The following ANK3 variants were observed in gnomAD, a reference collection of about 807,000 sequenced individuals.
ANK3 encodes the protein ankyrin 3.
Under a neutral mutation model 370.9 loss-of-function variants are expected in ANK3, and 57 were observed. The observed-to-expected ratio is 0.15, with a 90% CI of 0.12 to 0.19. ANK3 has a LOEUF of 0.19. Ranked by LOEUF, ANK3 falls within the 10% of genes least tolerant of loss-of-function variation. ANK3 has a pLI of 1.00. For synonymous variants in ANK3, 1,929 were observed against 1,946.3 expected (o/e 0.99, Z 0.23); for missense variants, 4,439 against 5,302.1 (o/e 0.84, Z 5.06).
At chr10:60,402,408 G>C (rs914997279) in intron 2 of ANK3, among the ~76,000 whole-genome samples, 17 of 152,166 alleles carry the variant, frequency 1.1e-4, no homozygotes, top group Non-Finnish European at 2.2e-4. Flanking sequence ...AACATTGATG[G>C]TAACATTAGA....
chr10:60,569,176 G>C (rs1269832668), intron 2 of ANK3, among the ~76,000 whole-genome samples: 4 of 152,016 alleles, frequency 2.6e-5, no homozygotes, highest in Admixed American at 1.3e-4. Flanking sequence ...ATATCAGAGG[G>C]GGCAATATGT....
At chr10:60,488,050 T>C (rs2075395668) in intron 2 of ANK3, among the ~76,000 whole-genome samples, 1 of 152,058 alleles carries the variant, frequency 6.6e-6, no homozygotes, top group Non-Finnish European at 1.5e-5. Flanking sequence ...CAAACACATA[T>C]GAATAGAAGT....
At position 60,300,313 on chromosome 10, in the gene ANK3, G is replaced by A. The variant is rs1056915713; in HGVS notation, c.115-20674C>T. The A allele has an allele frequency of 5.5e-6, 7 of 1,263,978 alleles. No homozygotes were observed. The Admixed American group carries it at 6.9e-5, about 12-fold the overall frequency. 78.3% of individuals were successfully genotyped at this position (1,263,978 alleles called of 1,614,324 possible). A position where few individuals can be genotyped will look rare whatever the true frequency, so the allele number is the denominator to read the frequency against. On this transcript the variant is annotated intron_variant, in intron 1 of 43. Transcript: ENST00000280772. The stretch of plus-strand genomic sequence containing the variant: ...TACATTTCATTTAGGAGCTGTAAAT[G>A]CTTACTTGTTCTGGGAAGCTCTCTC...
intron 1 of ANK3, among the ~76,000 whole-genome samples, chr10:60,726,890 C>T (rs923208146): frequency 4.6e-5 from 7 of 152,022 alleles, no homozygotes; most frequent in Non-Finnish European, 7.4e-5. Flanking sequence ...TTAACATCAA[C>T]GTCTTTTTTC....
At chr10:60,157,360 G>T (rs1192007120) in intron 23 of ANK3, among the ~76,000 whole-genome samples, 1 of 148,020 alleles carries the variant, frequency 6.8e-6, no homozygotes, top group Non-Finnish European at 1.5e-5. Flanking sequence ...TTTTAAAGGG[G>T]TTCTCACTCT....
At chr10:60,628,047 C>T (rs563781427) in intron 1 of ANK3, among the ~76,000 whole-genome samples, 11 of 152,230 alleles carry the variant, frequency 7.2e-5, no homozygotes, top group African/African-American at 1.7e-4. Context: ...AGAAAACGAA[C>T]GCACACAATA....
chr10:60,528,727 C>T (rs1330522584), intron 2 of ANK3, among the ~76,000 whole-genome samples: 1 of 152,030 alleles, frequency 6.6e-6, no homozygotes, highest in Non-Finnish European at 1.5e-5. Flanking sequence ...TCCTTGTCCT[C>T]TTCTTCCTAG....
chr10:60,115,102 A>T (rs1354276425), intron 25 of ANK3, among the ~76,000 whole-genome samples: 1 of 152,230 alleles, frequency 6.6e-6, no homozygotes, highest in Non-Finnish European at 1.5e-5. Context: ...CTAACCAGAA[A>T]TATCTCTGAA....
intron 2 of ANK3, among the ~76,000 whole-genome samples, chr10:60,546,985 T>A (rs916995471): frequency 6.6e-6 from 1 of 152,062 alleles, no homozygotes; most frequent in Non-Finnish European, 1.5e-5. Context: ...ATCACACAGC[T>A]GGTAAATGTC....
intron 7 of ANK3, among the ~76,000 whole-genome samples, chr10:60,250,571 T>TA (rs1281458108): frequency 6.6e-6 from 1 of 152,084 alleles, no homozygotes; most frequent in Admixed American, 6.5e-5. Flanking sequence ...TTCACCATGT[T>TA]AGCCAGGATG....
chr10:60,258,450 G>C (rs2097765331), intron 7 of ANK3, among the ~76,000 whole-genome samples: 1 of 152,196 alleles, frequency 6.6e-6, no homozygotes, highest in Admixed American at 6.5e-5. Context: ...AAACAGTTAA[G>C]TATGCTATAA....
At chr10:60,215,362 A>G (rs573745286) in intron 8 of ANK3, among the ~76,000 whole-genome samples, 3 of 152,188 alleles carry the variant, frequency 2.0e-5, no homozygotes, top group East Asian at 3.9e-4. Flanking sequence ...CTTTAGTTTA[A>G]TTAGATCTCA....
chr10:60,257,932 A>C (rs1218099882), intron 7 of ANK3, among the ~76,000 whole-genome samples: 1 of 152,220 alleles, frequency 6.6e-6, no homozygotes, highest in Non-Finnish European at 1.5e-5. Context: ...TTTACAAGAG[A>C]AAGGCCAATG....
intron 1 of ANK3, among the ~76,000 whole-genome samples, chr10:60,687,630 A>G (rs1371473755): frequency 6.6e-6 from 1 of 152,186 alleles, no homozygotes; most frequent in African/African-American, 2.4e-5. Flanking sequence ...AAAATAGCAC[A>G]ACGGCTATGG....
chr10:60,694,120 G>A (rs940185582), intron 1 of ANK3, among the ~76,000 whole-genome samples: 2 of 152,094 alleles, frequency 1.3e-5, no homozygotes, highest in Admixed American at 6.5e-5. Flanking sequence ...CTCAGGAGCC[G>A]ATGCGATCAA....
At chr10:60,060,843 T>G (rs2393610) in intron 40 of ANK3, 10,921 of 152,222 alleles carry the variant, frequency 0.072, 518 homozygotes, top group Non-Finnish European at 0.11. Context: ...CAGGGAGCAC[T>G]CTGAATATTC....
intron 2 of ANK3, among the ~76,000 whole-genome samples, chr10:60,492,058 G>A (rs2075521597): frequency 6.6e-6 from 1 of 152,082 alleles, no homozygotes; most frequent in Non-Finnish European, 1.5e-5. Flanking sequence ...ACCTACCATT[G>A]TGTTATTATC....
intron 1 of ANK3, among the ~76,000 whole-genome samples, chr10:60,695,376 G>A (rs1401747456): frequency 6.6e-6 from 1 of 152,088 alleles, no homozygotes; most frequent in Non-Finnish European, 1.5e-5. Flanking sequence ...TCCAGGAATT[G>A]AACTCAGCTC....
At chr10:60,097,839 C>T (rs1259859915) in intron 28 of ANK3, among the ~76,000 whole-genome samples, 1 of 152,112 alleles carries the variant, frequency 6.6e-6, no homozygotes, top group Non-Finnish European at 1.5e-5. Context: ...ATACAAATGG[C>T]CTCAAGGTTT....
Sources: gnomAD v4.1 joint callset for allele counts (sites outside exome capture counted in the v4.1 genomes callset) on GRCh38, gnomAD v4.1.1 for gene constraint, MANE v1.5 for transcripts, NCBI Gene and HGNC (gene_info 2026-07-23, HGNC 2026-07-21) for gene names.